Variants in SYNPR observed in about 807,000 individuals in gnomAD.
The protein encoded by SYNPR is synaptoporin.
A neutral mutation model predicts 32.9 loss-of-function variants in SYNPR; 23 were observed. That is an observed-to-expected ratio of 0.70 (90% CI 0.50 to 0.99). The LOEUF is 0.99. Ranked by LOEUF, SYNPR falls within the 50% of genes least tolerant of loss-of-function variation. The pLI is 0.00. For missense variants in SYNPR, 318 were observed against 349.3 expected (o/e 0.91, Z 0.71); for synonymous variants, 146 against 135.9 (o/e 1.07, Z -0.52).
At position 63,598,433 on chromosome 3, in the gene SYNPR, C is replaced by A. The variant is rs1363379450; in HGVS notation, c.409-10692C>A. Among the ~76,000 whole-genome samples the A allele has an allele frequency of 2.0e-5, 3 of 152,206 alleles. No homozygotes were observed. In the East Asian group the frequency reaches 5.8e-4, roughly 29 times the overall value. On this transcript the variant is annotated intron_variant, in intron 4 of 5. Transcript: ENST00000478300. ...GAATGGAAACAAACCACCCAGCCAA[C>A]ATTAAACCAGGCTGCTTCCTTGATT...
At chr3:63,335,790 T>TTTTTTTAAAA (rs2087285250) in intron 2 of SYNPR, among the ~76,000 whole-genome samples, 1 of 142,460 alleles carries the variant, frequency 7.0e-6, no homozygotes, top group African/African-American at 2.6e-5. Flanking sequence ...TTTTTTTTTT[T>TTTTTTTAAAA]GAGACAGAGT....
chr3:63,586,206 G>C (rs1703181709), intron 4 of SYNPR, among the ~76,000 whole-genome samples: 1 of 151,868 alleles, frequency 6.6e-6, no homozygotes, highest in South Asian at 2.1e-4. Context: ...TTCTAGAAAG[G>C]CATAAGGAAT....
At chr3:63,555,872 T>C (rs1219885776) in intron 3 of SYNPR, among the ~76,000 whole-genome samples, 1 of 152,186 alleles carries the variant, frequency 6.6e-6, no homozygotes. Context: ...CAGCTTTATC[T>C]GCTAATGAGT....
chr3:63,271,271 A>G (rs377051709), intron 3 of SYNPR, among the ~76,000 whole-genome samples: 1 of 152,122 alleles, frequency 6.6e-6, no homozygotes, highest in African/African-American at 2.4e-5. Flanking sequence ...TAGCCCAGCT[A>G]TGTGAAAGAA....
At chr3:63,339,368 A>G (rs1265839681) in intron 2 of SYNPR, among the ~76,000 whole-genome samples, 1 of 152,200 alleles carries the variant, frequency 6.6e-6, no homozygotes, top group Admixed American at 6.5e-5. Context: ...AATTTTTATT[A>G]AGATAATTAC....
upstream of SYNPR, among the ~76,000 whole-genome samples, chr3:63,227,306 C>T (rs1006692754): frequency 1.3e-5 from 2 of 152,194 alleles, no homozygotes; most frequent in South Asian, 4.1e-4. Context: ...TGTCAGTAAA[C>T]AATCTTCCCA....
At chr3:63,375,426 A>G (rs1298108097) in intron 2 of SYNPR, among the ~76,000 whole-genome samples, 1 of 152,136 alleles carries the variant, frequency 6.6e-6, no homozygotes, top group Non-Finnish European at 1.5e-5. Flanking sequence ...TTGCAGGGAC[A>G]TGGACGAAGC....
intron 3 of SYNPR, among the ~76,000 whole-genome samples, chr3:63,535,678 G>GA (rs35829976): frequency 6.7e-6 from 1 of 149,064 alleles, no homozygotes; most frequent in Admixed American, 6.7e-5. Context: ...TATTAATGGA[G>GA]AAAAAAATAG....
At chr3:63,548,074 T>G (rs1046535433) in intron 3 of SYNPR, among the ~76,000 whole-genome samples, 7 of 152,194 alleles carry the variant, frequency 4.6e-5, no homozygotes, top group Non-Finnish European at 2.9e-5. Flanking sequence ...TTTGTCTTTT[T>G]CAACCTTCCA....
At chr3:63,609,896 T>A (rs920233545) in intron 5 of SYNPR, among the ~76,000 whole-genome samples, 4 of 151,932 alleles carry the variant, frequency 2.6e-5, no homozygotes, top group African/African-American at 9.7e-5. Flanking sequence ...AGCAACAGAG[T>A]GAGACTCGGT....
intron 2 of SYNPR, among the ~76,000 whole-genome samples, chr3:63,414,738 T>C (rs1389970887): frequency 6.6e-6 from 1 of 152,236 alleles, no homozygotes; most frequent in East Asian, 1.9e-4. Context: ...CAACTGTCTA[T>C]ATAAACTGAA....
intron 2 of SYNPR, among the ~76,000 whole-genome samples, chr3:63,284,917 T>C (rs2086666409): frequency 6.6e-6 from 1 of 152,176 alleles, no homozygotes; most frequent in Non-Finnish European, 1.5e-5. Flanking sequence ...AACATTCCCG[T>C]TTCTCCAGGA....
chr3:63,553,798 C>T (rs1184537022), intron 3 of SYNPR, among the ~76,000 whole-genome samples: 2 of 151,982 alleles, frequency 1.3e-5, no homozygotes, highest in Non-Finnish European at 1.5e-5. Flanking sequence ...CTCGGCTCAT[C>T]GCAACCTCCG....
At chr3:63,466,850 A>G (rs1700692036) in intron 2 of SYNPR, among the ~76,000 whole-genome samples, 1 of 151,776 alleles carries the variant, frequency 6.6e-6, no homozygotes, top group South Asian at 2.1e-4. Context: ...TTACTACCTT[A>G]GTGGCCCCAT....
chr3:63,398,242 G>A (rs1341201097), intron 2 of SYNPR, among the ~76,000 whole-genome samples: 2 of 152,208 alleles, frequency 1.3e-5, no homozygotes, highest in Non-Finnish European at 2.9e-5. Flanking sequence ...GAGCGTAAGA[G>A]CTGGCACTTG....
intron 3 of SYNPR, among the ~76,000 whole-genome samples, chr3:63,505,062 T>C (rs943632815): frequency 6.6e-6 from 1 of 152,148 alleles, no homozygotes; most frequent in Non-Finnish European, 1.5e-5. Flanking sequence ...AGAGAATGTA[T>C]GGAGCATACT....
intron 2 of SYNPR, among the ~76,000 whole-genome samples, chr3:63,310,951 C>T (rs1445367313): frequency 6.6e-6 from 1 of 152,014 alleles, no homozygotes; most frequent in East Asian, 1.9e-4. Context: ...GTTCCCTGTA[C>T]TCTCAGTGTG....
intron 3 of SYNPR, among the ~76,000 whole-genome samples, chr3:63,495,109 TG>T (rs1233497717): frequency 7.9e-5 from 12 of 152,346 alleles, no homozygotes; most frequent in African/African-American, 2.6e-4. Flanking sequence ...TTTTTGCAGC[TG>T]GCTAGAATTT....
At chr3:63,582,043 T>C (rs1455461493) in intron 4 of SYNPR, among the ~76,000 whole-genome samples, 1 of 152,126 alleles carries the variant, frequency 6.6e-6, no homozygotes, top group Non-Finnish European at 1.5e-5. Context: ...GTGCATAAAC[T>C]GAATGAGAGT....
Sources: allele counts gnomAD v4.1 joint callset (sites outside exome capture counted in the v4.1 genomes callset), GRCh38; gene constraint gnomAD v4.1.1; transcripts MANE v1.5; gene names NCBI Gene and HGNC (gene_info 2026-07-23, HGNC 2026-07-21).